Variants in CADM2 observed in about 807,000 individuals in gnomAD.
CADM2 encodes immunoglobulin superfamily member 4D.
In CADM2, 12 loss-of-function variants were observed where a neutral mutation model predicts 49.8. The observed-to-expected ratio is 0.24, with a 90% CI of 0.15 to 0.39. CADM2 has a LOEUF of 0.39. Ranked by LOEUF, CADM2 falls within the 10% of genes least tolerant of loss-of-function variation. The pLI, the probability that CADM2 is intolerant of heterozygous loss-of-function variation, is 1.00. For missense variants in CADM2, 378 were observed against 492.3 expected (o/e 0.77, Z 2.20); for synonymous variants, 214 against 175.4 (o/e 1.22, Z -1.74).
At chr3:85,135,931 T>C (rs766431036) in intron 1 of CADM2, among the ~76,000 whole-genome samples, 1 of 152,030 alleles carries the variant, frequency 6.6e-6, no homozygotes, top group Non-Finnish European at 1.5e-5. Flanking sequence ...TAAATTTATA[T>C]TCTCATCAAG....
intron 1 of CADM2, among the ~76,000 whole-genome samples, chr3:85,590,740 C>A (rs1576881745): frequency 6.6e-6 from 1 of 151,676 alleles, no homozygotes; most frequent in Non-Finnish European, 1.5e-5. Context: ...TGAATAAACT[C>A]TATGAAATAT....
chr3:85,111,379 C>G (rs1302896369), intron 1 of CADM2, among the ~76,000 whole-genome samples: 4 of 151,458 alleles, frequency 2.6e-5, no homozygotes, highest in South Asian at 2.1e-4. Flanking sequence ...GCCTGTATAC[C>G]CCAGGTTTTG....
At chr3:85,093,217 T>C (rs1192774784) in intron 1 of CADM2, among the ~76,000 whole-genome samples, 4 of 152,142 alleles carry the variant, frequency 2.6e-5, no homozygotes, top group Non-Finnish European at 5.9e-5. Context: ...ATAAGACAGA[T>C]GACCAGATAA....
intron 8 of CADM2, chr3:85,979,338 GA>G: frequency 6.4e-7 from 1 of 1,567,128 alleles, no homozygotes; most frequent in Middle Eastern, 1.7e-4. Flanking sequence ...GAGCTCTGTA[GA>G]AGTTTTTAGA....
chr3:85,530,867 TACAC>T (rs71617940), intron 1 of CADM2, among the ~76,000 whole-genome samples: 6,697 of 136,852 alleles, frequency 0.049, 217 homozygotes, highest in African/African-American at 0.08. Flanking sequence ...TATGTAAAAA[TACAC>T]ACACACACAC....
chr3:85,145,555 A>G (rs2039712967), intron 1 of CADM2, among the ~76,000 whole-genome samples: 1 of 152,006 alleles, frequency 6.6e-6, no homozygotes, highest in Non-Finnish European at 1.5e-5. Flanking sequence ...ATAACTTTTG[A>G]AAAACTGTAA....
chr3:85,828,153 C>A (rs1051870903), intron 3 of CADM2: 2 of 151,870 alleles, frequency 1.3e-5, no homozygotes, highest in Non-Finnish European at 2.9e-5. Flanking sequence ...AATTATTAGA[C>A]CCTGACGTGC....
intron 8 of CADM2, among the ~76,000 whole-genome samples, chr3:86,024,358 C>A (rs1386956368): frequency 1.3e-5 from 2 of 152,078 alleles, no homozygotes; most frequent in Non-Finnish European, 2.9e-5. Flanking sequence ...ACTTAGAGCA[C>A]AAGTAAGCGA....
chr3:85,318,900 C>T (rs1054190057), intron 1 of CADM2, among the ~76,000 whole-genome samples: 4 of 152,046 alleles, frequency 2.6e-5, no homozygotes, highest in African/African-American at 9.7e-5. Context: ...ATTTCATTCA[C>T]CCTGATGAAT....
intron 2 of CADM2, among the ~76,000 whole-genome samples, chr3:85,769,621 TA>T (rs11348603): frequency 0.35 from 32,717 of 94,292 alleles, 7,920 homozygotes; most frequent in East Asian, 0.76. Flanking sequence ...TATACATATA[TA>T]GTATATATAT....
At chr3:85,225,624 C>A (rs985039278) in intron 1 of CADM2, among the ~76,000 whole-genome samples, 2 of 152,326 alleles carry the variant, frequency 1.3e-5, no homozygotes, top group East Asian at 3.9e-4. Flanking sequence ...CTGGCAAGAA[C>A]TTCCAATACT....
chr3:85,262,711 A>G (rs1235048640), intron 1 of CADM2, among the ~76,000 whole-genome samples: 1 of 152,148 alleles, frequency 6.6e-6, no homozygotes, highest in East Asian at 1.9e-4. Context: ...TGGGAAAGAA[A>G]CATCCTGATA....
At chr3:85,750,682 A>C (rs941822141) in intron 2 of CADM2, among the ~76,000 whole-genome samples, 1 of 152,078 alleles carries the variant, frequency 6.6e-6, no homozygotes, top group African/African-American at 2.4e-5. Flanking sequence ...GAAATATATC[A>C]AGTGCCATGG....
intron 1 of CADM2, among the ~76,000 whole-genome samples, chr3:85,682,515 G>C (rs775383410): frequency 6.6e-6 from 1 of 152,038 alleles, no homozygotes; most frequent in Non-Finnish European, 1.5e-5. Flanking sequence ...TCAGTGGTAC[G>C]TGAAGGTGTT....
At chr3:85,426,275 G>A (rs947541384) in intron 1 of CADM2, among the ~76,000 whole-genome samples, 11 of 151,766 alleles carry the variant, frequency 7.2e-5, no homozygotes, top group South Asian at 4.2e-4. Context: ...CCATGTAGCC[G>A]AGAACACAGA....
chr3:85,652,150 G>T (rs2107584637), intron 1 of CADM2, among the ~76,000 whole-genome samples: 1 of 152,034 alleles, frequency 6.6e-6, no homozygotes, highest in Admixed American at 6.6e-5. Context: ...TAAGATGTCA[G>T]TCTCGTTTAC....
chr3:85,942,056 C>T (rs1318884139), intron 7 of CADM2, among the ~76,000 whole-genome samples: 1 of 152,080 alleles, frequency 6.6e-6, no homozygotes, highest in African/African-American at 2.4e-5. Context: ...ATTGGGATTA[C>T]AAACAAGTTT....
In CADM2 at chr3:86,066,841, A is replaced by G; in HGVS notation, c.*58A>G. 8.5e-7 allele frequency: 1 copy of G among 1,178,038 alleles called. No homozygotes were observed. The highest frequency in any genetic ancestry group is 1.2e-5 in the South Asian group (1 of 81,936). 73.0% of individuals were successfully genotyped at this position (1,178,038 alleles called of 1,614,324 possible). ...GGCTGAATGCTGGAGAAAACTGGCT[A>G]TCATCTTTCAGAAGTCATTTCTACC... On this transcript the variant is annotated 3_prime_UTR_variant, in exon 10 of 10. Coordinates refer to ENST00000383699, the MANE Select transcript of CADM2 (RefSeq NM_001167675.2).
At chr3:85,143,189 A>G (rs2039628708) in intron 1 of CADM2, among the ~76,000 whole-genome samples, 1 of 152,190 alleles carries the variant, frequency 6.6e-6, no homozygotes. Context: ...ATTTGGAATA[A>G]TTTTATTGTG....
Sources: allele counts gnomAD v4.1 joint callset (sites outside exome capture counted in the v4.1 genomes callset), GRCh38; gene constraint gnomAD v4.1.1; transcripts MANE v1.5; gene names NCBI Gene and HGNC (gene_info 2026-07-23, HGNC 2026-07-21).